Variants in CNKSR3 observed in about 807,000 individuals in gnomAD.
The protein encoded by CNKSR3 is CNKSR family member 3.
Under a neutral mutation model 67.7 loss-of-function variants are expected in CNKSR3, and 36 were observed. That is an observed-to-expected ratio of 0.53 (90% CI 0.41 to 0.70). CNKSR3 has a LOEUF of 0.70. Ranked by LOEUF, CNKSR3 falls within the 30% of genes least tolerant of loss-of-function variation. The probability of loss-of-function intolerance (pLI) is 0.00; values close to 1 mark genes in which losing one functional copy is unlikely to be tolerated. For missense variants in CNKSR3, 630 were observed against 695.2 expected, an observed-to-expected ratio of 0.91 and a Z score of 1.05; for synonymous variants, 281 against 271.4, an observed-to-expected ratio of 1.04 and a Z score of -0.35.
intron 9 of CNKSR3, among the ~76,000 whole-genome samples, chr6:154,418,186 C>T (rs1041564501): frequency 3.9e-5 from 6 of 152,198 alleles, no homozygotes; most frequent in Non-Finnish European, 7.3e-5. Flanking sequence ...CACCAGAACC[C>T]GGAGCTGTGT....
rs1268488232 is a variant in CNKSR3, at chr6:154,390,156, T to C, written c.*16198A>G. 2 of 152,280 alleles carry C rather than the reference T, an allele frequency of 1.3e-5. No homozygotes were observed. The highest frequency in any genetic ancestry group is 2.9e-5 in the Non-Finnish European group (2 of 68,078). The allele number at this position is 152,280 out of a possible 1,614,324, so 9.4% of individuals were successfully genotyped here. Reference sequence around the variant, plus strand: ...TATTACTCATCAGTCACAAATCTTGTATGCTTCCCCACATTTTCTCAGCAC... The same window carrying C: ...TATTACTCATCAGTCACAAATCTTGCATGCTTCCCCACATTTTCTCAGCAC... On this transcript the variant is annotated 3_prime_UTR_variant, in exon 13 of 13. Coordinates refer to ENST00000607772, the MANE Select transcript of CNKSR3 (RefSeq NM_173515.4).
chr6:154,388,605 G>A lies in CNKSR3; in HGVS notation c.*17749C>T, dbSNP rs1784574329. On this transcript the variant is annotated 3_prime_UTR_variant, in exon 13 of 13. Transcript: ENST00000607772. ...AACACCCATACTGTTTTCCTTAGTGGCTGCACCATTTTGCATTCCCATCAA... is the reference window on the plus strand; with the variant it reads ...AACACCCATACTGTTTTCCTTAGTGACTGCACCATTTTGCATTCCCATCAA... The A allele has an allele frequency of 6.6e-6, 1 of 152,042 alleles. No homozygotes were observed. Among genetic ancestry groups the A allele is most frequent in the Non-Finnish European group, 1.5e-5 (1 of 68,024 alleles). 9.4% of individuals were successfully genotyped at this position (152,042 alleles called of 1,614,324 possible). A position where few individuals can be genotyped will look rare whatever the true frequency, so the allele number is the denominator to read the frequency against.
At chr6:154,449,540 G>T (rs1275903330) in intron 2 of CNKSR3, among the ~76,000 whole-genome samples, 5 of 152,170 alleles carry the variant, frequency 3.3e-5, no homozygotes, top group Admixed American at 3.3e-4. Flanking sequence ...GCCCAGGCTG[G>T]TCTCAAACTC....
At chr6:154,472,668 T>G (rs1696076406) in intron 1 of CNKSR3, among the ~76,000 whole-genome samples, 1 of 152,150 alleles carries the variant, frequency 6.6e-6, no homozygotes, top group African/African-American at 2.4e-5. Context: ...CAACAGTTCT[T>G]GGGACAGAGG....
rs1176409594 is a variant in CNKSR3 at position 154,422,489 on chromosome 6, C to T, written c.945+17G>A. 1 of 1,611,512 alleles carries T rather than the reference C, an allele frequency of 6.2e-7. No individual in the cohort carries two copies. The highest frequency in any genetic ancestry group is 1.7e-5 in the Admixed American group (1 of 59,622). ...CTCAACATTGTTGGATGGAGGTTTA[C>T]AGTTAATCCCAGATACCTGTACAAG... On this transcript the variant is annotated intron_variant, in intron 9 of 12. Coordinates refer to ENST00000607772, the MANE Select transcript of CNKSR3 (RefSeq NM_173515.4).
intron 9 of CNKSR3, among the ~76,000 whole-genome samples, chr6:154,420,326 A>C (rs957571879): frequency 6.6e-6 from 1 of 152,188 alleles, no homozygotes; most frequent in African/African-American, 2.4e-5. Flanking sequence ...CAAAGGGTAC[A>C]AAGTTTCAGT....
chr6:154,419,862 C>T (rs891922938), intron 9 of CNKSR3, among the ~76,000 whole-genome samples: 1 of 151,378 alleles, frequency 6.6e-6, no homozygotes, highest in African/African-American at 2.4e-5. Flanking sequence ...GGCGGAACAC[C>T]TGAGGTCAGG....
At chr6:154,422,461 A>T in intron 9 of CNKSR3, 45 bp downstream of exon 9, 1 of 1,574,280 alleles carries the variant, frequency 6.4e-7, no homozygotes, top group Non-Finnish European at 8.7e-7. Flanking sequence ...GACTAATGAG[A>T]TACTCAACAT....
At chr6:154,442,021 A>ACAGCTTCCATG (rs1785602260) in intron 3 of CNKSR3, 67 bp downstream of exon 3, 1 of 1,406,572 alleles carries the variant, frequency 7.1e-7, no homozygotes, top group Admixed American at 2.3e-5. Context: ...AAGACAAAGT[A>ACAGCTTCCATG]CAGCTTCCAT....
intron 1 of CNKSR3, among the ~76,000 whole-genome samples, chr6:154,498,565 C>A (rs932004552): frequency 5.9e-5 from 9 of 152,226 alleles, no homozygotes; most frequent in Middle Eastern, 3.2e-3. Context: ...CACACTGCAA[C>A]TTCTGACATT....
intron 1 of CNKSR3, among the ~76,000 whole-genome samples, chr6:154,487,177 G>T (rs1786691845): frequency 6.6e-6 from 1 of 152,210 alleles, no homozygotes; most frequent in Non-Finnish European, 1.5e-5. Flanking sequence ...CCAATGGGCA[G>T]TTTACTATTT....
chr6:154,399,429 A>T lies in CNKSR3; in HGVS notation c.*6925T>A, dbSNP rs114992395. 7,524 of 152,146 alleles carry T rather than the reference A, an allele frequency of 0.049. 438 individuals are homozygous for T. The highest frequency in any genetic ancestry group is 0.14 in the African/African-American group (5,980 of 41,464). The allele number at this position is 152,146 out of a possible 1,614,324, so 9.4% of individuals were successfully genotyped here. A position where few individuals can be genotyped will look rare whatever the true frequency, so the allele number is the denominator to read the frequency against. On this transcript the variant is annotated 3_prime_UTR_variant, in exon 13 of 13. Coordinates refer to ENST00000607772, the MANE Select transcript of CNKSR3 (RefSeq NM_173515.4). The stretch of plus-strand genomic sequence containing the variant: ...CTCATTTAATCACCATAAGCCTTCG[A>T]AGTAGATGCTAGTATTATCCCCATT...
rs533132410 is a variant in CNKSR3, at chr6:154,463,181, G to A, written c.53-12923C>T. ...GGTTGGAGTGCAGTGGCACAATCTC[G>A]GCCTCAGCCTCCCGAGTAGCTGGGA... is the stretch of plus-strand genomic sequence containing the variant. On this transcript the variant is annotated intron_variant, in intron 1 of 12. Coordinates refer to ENST00000607772, the MANE Select transcript of CNKSR3 (RefSeq NM_173515.4). Among the ~76,000 whole-genome samples, 28 of 147,514 alleles carry A rather than the reference G, an allele frequency of 1.9e-4. No homozygotes were observed. The South Asian group carries it at 4.5e-3, about 23-fold the overall frequency.
intron 6 of CNKSR3, 78 bp from the exon 7 acceptor site, chr6:154,428,265 A>G: frequency 1.1e-6 from 1 of 879,022 alleles, no homozygotes; most frequent in South Asian, 1.4e-5. Flanking sequence ...TAAACTTATA[A>G]AACATTAACA....
At chr6:154,497,009 C>T (rs535956963) in intron 1 of CNKSR3, among the ~76,000 whole-genome samples, 44 of 152,124 alleles carry the variant, frequency 2.9e-4, no homozygotes, top group Non-Finnish European at 4.9e-4. Context: ...TAAAAGCACC[C>T]GATATCAAAT....
intron 1 of CNKSR3, among the ~76,000 whole-genome samples, chr6:154,506,554 C>A (rs569303517): frequency 6.6e-6 from 1 of 152,164 alleles, no homozygotes; most frequent in African/African-American, 2.4e-5. Context: ...AATAGGAAGA[C>A]AATCATGCAG....
intron 7 of CNKSR3, among the ~76,000 whole-genome samples, chr6:154,425,929 C>T (rs1785245334): frequency 6.6e-6 from 1 of 152,224 alleles, no homozygotes; most frequent in South Asian, 2.1e-4. Flanking sequence ...CTTTCTACTG[C>T]CATTCAAGTG....
intron 1 of CNKSR3, among the ~76,000 whole-genome samples, chr6:154,475,970 G>C (rs1786437516): frequency 6.6e-6 from 1 of 152,092 alleles, no homozygotes; most frequent in African/African-American, 2.4e-5. Context: ...GAAGGCTTGG[G>C]GGTGTTGTTT....
chr6:154,474,095 C>A (rs1398448912), intron 1 of CNKSR3, among the ~76,000 whole-genome samples: 3 of 133,844 alleles, frequency 2.2e-5, no homozygotes, highest in African/African-American at 9.6e-5. Flanking sequence ...AGTTATCACA[C>A]CTACCTCATG....
Sources: gnomAD v4.1 joint callset for allele counts (sites outside exome capture counted in the v4.1 genomes callset) on GRCh38, gnomAD v4.1.1 for gene constraint, MANE v1.5 for transcripts, NCBI Gene and HGNC (gene_info 2026-07-23, HGNC 2026-07-21) for gene names.